CAMK2D: variants seen among roughly 807,000 people sequenced by gnomAD.
The protein encoded by CAMK2D is calcium/calmodulin dependent protein kinase II delta, also known as calcium/calmodulin-dependent protein kinase type II subunit delta.
A neutral mutation model predicts 84.0 loss-of-function variants in CAMK2D; 37 were observed. That is an observed-to-expected ratio of 0.44 (90% CI 0.34 to 0.58). CAMK2D has a LOEUF of 0.58. Among genes scored for constraint, CAMK2D ranks in the 20% least tolerant of loss-of-function variants. The probability of loss-of-function intolerance (pLI) is 0.02; values close to 1 mark genes in which losing one functional copy is unlikely to be tolerated. For missense variants in CAMK2D, 448 were observed against 652.5 expected (o/e 0.69, Z 3.41); for synonymous variants, 202 against 212.5 (o/e 0.95, Z 0.43).
chr4:113,739,080 G>A (rs977484482), intron 2 of CAMK2D, among the ~76,000 whole-genome samples: 7 of 152,148 alleles, frequency 4.6e-5, no homozygotes, highest in African/African-American at 1.7e-4. Context: ...CTTCATAGAT[G>A]TGTTAATCTT....
rs116099159 is a variant in CAMK2D at position 113,668,174 on chromosome 4, T to C, written c.161-6402A>G. ...ACCAAGCCTCTACTTCATTTTACCT[T>C]CATTCTGCAGTTTCATCTACGGAGG... On this transcript the variant is annotated intron_variant, in intron 2 of 20. Transcript: ENST00000511664. Among the ~76,000 whole-genome samples, 1,426 of 152,296 alleles carry C rather than the reference T, an allele frequency of 9.4e-3. 33 individuals carry two copies. The highest frequency in any genetic ancestry group is 0.033 in the African/African-American group (1,354 of 41,560).
chr4:113,676,977 T>C (rs2099320869), intron 2 of CAMK2D, among the ~76,000 whole-genome samples: 1 of 152,174 alleles, frequency 6.6e-6, no homozygotes, highest in South Asian at 2.1e-4. Context: ...CCTATGTCAA[T>C]TTAATTCTTA....
chr4:113,757,999 C>A (rs1271332625), intron 2 of CAMK2D, among the ~76,000 whole-genome samples: 2 of 152,080 alleles, frequency 1.3e-5, no homozygotes, highest in Non-Finnish European at 2.9e-5. Flanking sequence ...AATGATACCC[C>A]CACCACAGCC....
intron 2 of CAMK2D, among the ~76,000 whole-genome samples, chr4:113,740,719 T>TCA (rs1688813896): frequency 6.6e-6 from 1 of 152,062 alleles, no homozygotes; most frequent in African/African-American, 2.4e-5. Flanking sequence ...CCCTCACACC[T>TCA]CACAACCTTT....
chr4:113,578,077 T>C (rs1284542486), intron 4 of CAMK2D, among the ~76,000 whole-genome samples: 2 of 152,182 alleles, frequency 1.3e-5, no homozygotes, highest in African/African-American at 4.8e-5. Context: ...TGAGCTCCAC[T>C]CTAAAAGTCG....
At chr4:113,613,768 G>T (rs1349170668) in intron 3 of CAMK2D, among the ~76,000 whole-genome samples, 1 of 152,048 alleles carries the variant, frequency 6.6e-6, no homozygotes, top group Non-Finnish European at 1.5e-5. Context: ...GAATCTGAAA[G>T]CTTACCCAAC....
chr4:113,754,455 A>C, intron 2 of CAMK2D: 4 of 927,438 alleles, frequency 4.3e-6, no homozygotes, highest in Non-Finnish European at 5.1e-6. Context: ...GATCCATAAA[A>C]GGTGACATAT....
chr4:113,602,849 G>A (rs1206175299), intron 4 of CAMK2D, among the ~76,000 whole-genome samples: 1 of 152,102 alleles, frequency 6.6e-6, no homozygotes, highest in East Asian at 1.9e-4. Context: ...GGTCCCAGCC[G>A]ATAAACCTAA....
At chr4:113,558,743 A>ACGC (rs1406343862) in intron 4 of CAMK2D, among the ~76,000 whole-genome samples, 1 of 147,728 alleles carries the variant, frequency 6.8e-6, no homozygotes, top group Non-Finnish European at 1.5e-5. Flanking sequence ...GTGGTGGCTC[A>ACGC]CGCCTATACT....
At chr4:113,540,388 T>G (rs1223088350) in intron 6 of CAMK2D, among the ~76,000 whole-genome samples, 1 of 152,198 alleles carries the variant, frequency 6.6e-6, no homozygotes, top group African/African-American at 2.4e-5. Context: ...TTTTCTATTT[T>G]CTAACACGAA....
chr4:113,626,874 A>C (rs989590041), intron 3 of CAMK2D, among the ~76,000 whole-genome samples: 1 of 152,188 alleles, frequency 6.6e-6, no homozygotes, highest in Non-Finnish European at 1.5e-5. Flanking sequence ...TTGGTTAAGA[A>C]GGGCAATTTA....
intron 2 of CAMK2D, among the ~76,000 whole-genome samples, chr4:113,695,989 TG>T (rs1458786082): frequency 1.3e-5 from 2 of 152,240 alleles, no homozygotes; most frequent in Admixed American, 6.5e-5. Context: ...TGCTTCTCTT[TG>T]AGCATATTAC....
At chr4:113,736,970 C>T (rs72901788) in intron 2 of CAMK2D, among the ~76,000 whole-genome samples, 6,878 of 152,102 alleles carry the variant, frequency 0.045, 529 homozygotes, top group African/African-American at 0.16. Context: ...TAAATAAATA[C>T]GCATCATGAT....
chr4:113,557,354 T>C (rs1012379549), intron 4 of CAMK2D, among the ~76,000 whole-genome samples: 1 of 152,228 alleles, frequency 6.6e-6, no homozygotes, highest in African/African-American at 2.4e-5. Flanking sequence ...GCTTAATTTG[T>C]ATCCCACCTA....
At chr4:113,661,860 T>G in intron 2 of CAMK2D, 88 bp from the exon 3 acceptor site, 123 of 597,352 alleles carry the variant, frequency 2.1e-4, no homozygotes, top group Non-Finnish European at 2.5e-4. Flanking sequence ...CAAAAGGCCT[T>G]TGCATTTACT....
At chr4:113,634,743 T>C (rs1051097625) in intron 3 of CAMK2D, among the ~76,000 whole-genome samples, 1 of 152,200 alleles carries the variant, frequency 6.6e-6, no homozygotes, top group African/African-American at 2.4e-5. Flanking sequence ...TTATAGGTAT[T>C]GGAGAATCAA....
intron 2 of CAMK2D, among the ~76,000 whole-genome samples, chr4:113,694,106 T>C (rs913523420): frequency 6.6e-6 from 1 of 152,164 alleles, no homozygotes; most frequent in African/African-American, 2.4e-5. Flanking sequence ...CCAGTTTATC[T>C]AGGGGTAGGC....
chr4:113,601,184 C>T (rs1320485435), intron 4 of CAMK2D, among the ~76,000 whole-genome samples: 4 of 152,020 alleles, frequency 2.6e-5, no homozygotes, highest in Non-Finnish European at 5.9e-5. Flanking sequence ...ATAAAGGAAA[C>T]ATGATACGTG....
intron 3 of CAMK2D, among the ~76,000 whole-genome samples, chr4:113,623,381 T>TAC (rs1407671356): frequency 2.5e-4 from 37 of 147,034 alleles, no homozygotes; most frequent in East Asian, 1.4e-3. Flanking sequence ...ATGATGTGTA[T>TAC]ATACACACAC....
Sources: allele counts gnomAD v4.1 joint callset (sites outside exome capture counted in the v4.1 genomes callset), GRCh38; gene constraint gnomAD v4.1.1; transcripts MANE v1.5; gene names NCBI Gene and HGNC (gene_info 2026-07-23, HGNC 2026-07-21).